EXOC2: variants seen among roughly 807,000 people sequenced by gnomAD.
EXOC2 encodes the protein SEC5-like 1.
In EXOC2, 70 loss-of-function variants were observed where a neutral mutation model predicts 131.8. The observed-to-expected ratio is 0.53, with a 90% CI of 0.44 to 0.65. EXOC2 has a LOEUF of 0.65. Among genes scored for constraint, EXOC2 ranks in the 30% least tolerant of loss-of-function variants. The pLI is 0.00. For synonymous variants in EXOC2, 411 were observed against 398.4 expected, an observed-to-expected ratio of 1.03 and a Z score of -0.38; for missense variants, 923 against 1,108.6, an observed-to-expected ratio of 0.83 and a Z score of 2.38.
rs927075818 is a variant in EXOC2 at position 572,782 on chromosome 6, G to A, written c.1319-138C>T. On this transcript the variant is annotated intron_variant, in intron 12 of 27. Transcript: ENST00000230449. ...ATAGCCTGAGTCTGCGTGGACGCTC[G>A]CGGCCCACCTGGCTGACACCGGCAG... The A allele has an allele frequency of 6.7e-5, 73 of 1,081,672 alleles. No homozygotes were observed. In the African/African-American group the frequency reaches 6.8e-4, roughly 10 times the overall value. 67.0% of individuals were successfully genotyped at this position (1,081,672 alleles called of 1,614,324 possible). A position where few individuals can be genotyped will look rare whatever the true frequency, so the allele number is the denominator to read the frequency against.
intron 22 of EXOC2, among the ~76,000 whole-genome samples, chr6:547,747 C>G (rs896426533): frequency 1.3e-5 from 2 of 152,036 alleles, no homozygotes; most frequent in African/African-American, 4.8e-5. Flanking sequence ...AAAAAAAAAT[C>G]CAAATTCTGA....
At chr6:689,724 G>C (rs904699287) in intron 1 of EXOC2, among the ~76,000 whole-genome samples, 14 of 152,172 alleles carry the variant, frequency 9.2e-5, no homozygotes, top group African/African-American at 3.1e-4. Flanking sequence ...AGTAAGACTG[G>C]AAGATACAAA....
intron 23 of EXOC2, among the ~76,000 whole-genome samples, chr6:528,110 T>TA (rs1765852285): frequency 6.6e-6 from 1 of 152,082 alleles, no homozygotes; most frequent in South Asian, 2.1e-4. Context: ...TATACACAAA[T>TA]AAAGAGGTGA....
At chr6:628,874 T>C (rs567824318) in intron 4 of EXOC2, among the ~76,000 whole-genome samples, 52 of 152,344 alleles carry the variant, frequency 3.4e-4, no homozygotes, top group African/African-American at 1.2e-3. Context: ...CTTAAACGGC[T>C]CTAGAATGAC....
chr6:625,540 T>G (rs1761520086), intron 4 of EXOC2, among the ~76,000 whole-genome samples: 2 of 135,784 alleles, frequency 1.5e-5, no homozygotes, highest in South Asian at 2.3e-4. Context: ...TTTTTTTTTT[T>G]GTCTGACCCA....
intron 4 of EXOC2, among the ~76,000 whole-genome samples, chr6:626,872 C>T (rs985855945): frequency 1.3e-5 from 2 of 152,172 alleles, no homozygotes; most frequent in African/African-American, 2.4e-5. Flanking sequence ...GGATTACAGG[C>T]GTGAGCCACC....
At chr6:492,385 T>C (rs1194169861) in intron 25 of EXOC2, among the ~76,000 whole-genome samples, 1 of 152,210 alleles carries the variant, frequency 6.6e-6, no homozygotes, top group Non-Finnish European at 1.5e-5. Context: ...CCACATGACC[T>C]AGCAATTCCG....
chr6:555,688 C>T (rs1757380205), intron 19 of EXOC2, among the ~76,000 whole-genome samples: 1 of 152,110 alleles, frequency 6.6e-6, no homozygotes, highest in Non-Finnish European at 1.5e-5. Context: ...TTACGTTGTG[C>T]TCGAACAGAA....
In EXOC2 at chr6:499,639, C is replaced by T. The variant is rs1444899463; in HGVS notation, c.2436+6G>A. ...TATCTCTTAGGAACATCTAATGATA[C>T]TTTACCTCTGCATGCACGGCAATTA... On this transcript the variant is annotated splice_donor_region_variant and intron_variant, in intron 24 of 27. Transcript: ENST00000230449. 6.2e-7 allele frequency: 1 copy of T among 1,611,860 alleles called. No homozygotes were observed. Among genetic ancestry groups the T allele is most frequent in the South Asian group, 1.1e-5 (1 of 90,918 alleles).
chr6:679,666 T>C lies in EXOC2; in HGVS notation c.-44+13353A>G, dbSNP rs549330597. On this transcript the variant is annotated intron_variant, in intron 1 of 27. Transcript: ENST00000230449. ...AGATTCCCATAACTGCAAAAATGTA[T>C]TACAGCAAGACGGGGAAAAAACGGA... Among the ~76,000 whole-genome samples the C allele has an allele frequency of 2.0e-5, 3 of 152,218 alleles. No homozygotes were observed. The South Asian group carries it at 6.2e-4, about 32-fold the overall frequency.
chr6:548,043 G>A lies in EXOC2; in HGVS notation c.2238+1132C>T, dbSNP rs895489915. On this transcript the variant is annotated intron_variant, in intron 22 of 27. Transcript: ENST00000230449. Reference sequence around the variant, plus strand: ...CAATAAATATATTCATGTCATTGTTGTTATATAAAAACAAAGCAACCACCT... The same window carrying A: ...CAATAAATATATTCATGTCATTGTTATTATATAAAAACAAAGCAACCACCT... Among the ~76,000 whole-genome samples, 3 of 152,068 alleles carry A rather than the reference G, an allele frequency of 2.0e-5. No homozygotes were observed. The East Asian group carries it at 5.8e-4, about 29-fold the overall frequency.
At chr6:577,941 T>C (rs1026317485) in intron 11 of EXOC2, among the ~76,000 whole-genome samples, 4 of 152,222 alleles carry the variant, frequency 2.6e-5, no homozygotes, top group Non-Finnish European at 5.9e-5. Flanking sequence ...TTCTGCCCTC[T>C]GACAGCAGTG....
chr6:624,754 G>A (rs764515948), intron 4 of EXOC2, among the ~76,000 whole-genome samples: 1 of 152,198 alleles, frequency 6.6e-6, no homozygotes, highest in Non-Finnish European at 1.5e-5. Context: ...AATTGCTAAT[G>A]CCCTTAATAA....
intron 6 of EXOC2, among the ~76,000 whole-genome samples, chr6:612,967 G>A (rs370359436): frequency 6.6e-6 from 1 of 152,102 alleles, no homozygotes; most frequent in African/African-American, 2.4e-5. Flanking sequence ...CAGGGAAATC[G>A]CCACCAAAAC....
rs367897015 is a variant in EXOC2, at chr6:502,119, T to C, written c.2381-2419A>G. Among the ~76,000 whole-genome samples, 8 of 152,286 alleles carry C rather than the reference T, an allele frequency of 5.3e-5. No individual in the cohort carries two copies. The East Asian group carries it at 7.7e-4, about 15-fold the overall frequency. On this transcript the variant is annotated intron_variant, in intron 23 of 27. Coordinates refer to ENST00000230449, the MANE Select transcript of EXOC2 (RefSeq NM_018303.6). ...GGTCTGGTCTCTAAGCCGCACGCCA[T>C]GGAGGACCAGCTCATGTAGACGCAC...
intron 23 of EXOC2, among the ~76,000 whole-genome samples, chr6:501,172 A>C (rs1465694371): frequency 8.8e-5 from 1 of 11,418 alleles, no homozygotes; most frequent in African/African-American, 4.9e-4. Context: ...TATATTATAT[A>C]TATCTATATA....
intron 4 of EXOC2, among the ~76,000 whole-genome samples, chr6:627,751 T>G (rs1761654517): frequency 6.6e-6 from 1 of 152,256 alleles, no homozygotes; most frequent in East Asian, 1.9e-4. Flanking sequence ...ATAAAAGCTC[T>G]GACATCTATT....
chr6:543,885 G>A (rs1171456350), intron 22 of EXOC2, among the ~76,000 whole-genome samples: 4 of 152,166 alleles, frequency 2.6e-5, no homozygotes, highest in African/African-American at 9.7e-5. Context: ...GTAGGAAACA[G>A]ATCGAAGGTA....
chr6:683,540 A>T lies in EXOC2; in HGVS notation c.-44+9479T>A, dbSNP rs371765537. Among the ~76,000 whole-genome samples, 43 of 152,208 alleles carry T rather than the reference A, an allele frequency of 2.8e-4. No homozygotes were observed. The South Asian group carries it at 8.9e-3, about 32-fold the overall frequency. Reference sequence around the variant, plus strand: ...TAACTATGGTAAACAGGCATGCCAAAATCAATGCAGAGTTTCAGAAAAGGT... The same window carrying T: ...TAACTATGGTAAACAGGCATGCCAATATCAATGCAGAGTTTCAGAAAAGGT... On this transcript the variant is annotated intron_variant, in intron 1 of 27. Coordinates refer to ENST00000230449, the MANE Select transcript of EXOC2 (RefSeq NM_018303.6).
Sources: gnomAD v4.1 joint callset for allele counts (sites outside exome capture counted in the v4.1 genomes callset) on GRCh38, gnomAD v4.1.1 for gene constraint, MANE v1.5 for transcripts, NCBI Gene and HGNC (gene_info 2026-07-23, HGNC 2026-07-21) for gene names.